The following SEPTIN9 variants were observed in gnomAD, a reference collection of about 807,000 sequenced individuals.
SEPTIN9 encodes the protein septin 9, also known as septin-9.
Under a neutral mutation model 56.6 loss-of-function variants are expected in SEPTIN9, and 13 were observed. That is an observed-to-expected ratio of 0.23 (90% CI 0.15 to 0.37). SEPTIN9 has a LOEUF of 0.37. SEPTIN9 is among the 10% of genes least tolerant of loss of function. The pLI, the probability that SEPTIN9 is intolerant of heterozygous loss-of-function variation, is 1.00. For synonymous variants in SEPTIN9, 332 were observed against 334.1 expected (o/e 0.99, Z 0.07); for missense variants, 650 against 823.1 (o/e 0.79, Z 2.57).
At chr17:77,358,897 C>T (rs1020996079) in intron 2 of SEPTIN9, among the ~76,000 whole-genome samples, 1 of 152,082 alleles carries the variant, frequency 6.6e-6, no homozygotes, top group African/African-American at 2.4e-5. Context: ...GAGCAGCACT[C>T]GGACCCACGT....
chr17:77,457,593 G>A (rs2038270457), intron 3 of SEPTIN9, among the ~76,000 whole-genome samples: 1 of 152,258 alleles, frequency 6.6e-6, no homozygotes, highest in African/African-American at 2.4e-5. Flanking sequence ...GTGACCAAGA[G>A]TGGAGAAAAG....
At chr17:77,413,690 G>T (rs916936792) in intron 3 of SEPTIN9, among the ~76,000 whole-genome samples, 27 of 152,134 alleles carry the variant, frequency 1.8e-4, no homozygotes, top group African/African-American at 6.3e-4. Context: ...GTAGTGACGG[G>T]ACTGGGTCTA....
chr17:77,324,454 C>T lies in SEPTIN9; in HGVS notation c.76+17257C>T, dbSNP rs149280630. 5.5e-3 allele frequency among the ~76,000 whole-genome samples: 840 copies of T among 152,186 alleles called. 12 individuals are homozygous for T. Among genetic ancestry groups the T allele is most frequent in the African/African-American group, 0.018 (735 of 41,510 alleles). ...CGTTTCTGTGCTCCTGGTGAGGTGTCGGGGTCGGGCTTAGCCCCTGCAGGA... is the reference window on the plus strand; with the variant it reads ...CGTTTCTGTGCTCCTGGTGAGGTGTTGGGGTCGGGCTTAGCCCCTGCAGGA... On this transcript the variant is annotated intron_variant, in intron 2 of 11. Coordinates refer to ENST00000427177, the MANE Select transcript of SEPTIN9 (RefSeq NM_001113491.2).
At chr17:77,284,350 C>T (rs751634066) in intron 1 of SEPTIN9, among the ~76,000 whole-genome samples, 4 of 152,228 alleles carry the variant, frequency 2.6e-5, no homozygotes, top group Non-Finnish European at 5.9e-5. Context: ...CCACACAGGG[C>T]AGCTGCAGGA....
At chr17:77,301,115 A>C (rs1045330040) in intron 1 of SEPTIN9, among the ~76,000 whole-genome samples, 9 of 151,454 alleles carry the variant, frequency 5.9e-5, no homozygotes, top group Non-Finnish European at 1.2e-4. Flanking sequence ...CCCCAGGCTC[A>C]AAGTGGGAAG....
chr17:77,306,317 A>G (rs1177371682), intron 1 of SEPTIN9, among the ~76,000 whole-genome samples: 3 of 152,182 alleles, frequency 2.0e-5, no homozygotes, highest in Non-Finnish European at 4.4e-5. Flanking sequence ...GGGTGGCTGT[A>G]TGGCATTGCC....
intron 1 of SEPTIN9, among the ~76,000 whole-genome samples, chr17:77,297,889 G>A (rs1279547513): frequency 6.6e-6 from 1 of 152,234 alleles, no homozygotes; most frequent in Non-Finnish European, 1.5e-5. Flanking sequence ...GTGGTGAGGG[G>A]TCACAGAGAT....
At chr17:77,494,455 A>G (rs2040166892) in intron 10 of SEPTIN9, among the ~76,000 whole-genome samples, 1 of 151,996 alleles carries the variant, frequency 6.6e-6, no homozygotes, top group Non-Finnish European at 1.5e-5. Context: ...AGCAGGAAGC[A>G]CAAGTCTCTT....
chr17:77,365,818 C>T (rs1374176633), intron 2 of SEPTIN9, among the ~76,000 whole-genome samples: 1 of 152,182 alleles, frequency 6.6e-6, no homozygotes, highest in Non-Finnish European at 1.5e-5. Flanking sequence ...CTGGGGACCA[C>T]GTCGCCTCAG....
chr17:77,376,358 C>G (rs1329421846), intron 2 of SEPTIN9: 1 of 985,532 alleles, frequency 1.0e-6, no homozygotes, highest in East Asian at 1.1e-4. Context: ...GCACAGGTCT[C>G]TTTCCCGGGG....
At position 77,475,549 on chromosome 17, in the gene SEPTIN9, G is replaced by A; in HGVS notation, c.722-6595G>A. The A allele has an allele frequency of 6.2e-7, 1 of 1,612,938 alleles. No homozygotes were observed. The highest frequency in any genetic ancestry group is 2.2e-5 in the East Asian group (1 of 44,886). On this transcript the variant is annotated intron_variant, in intron 3 of 11. Transcript: ENST00000427177. This position sits in a 1 kb window ranked among gnomAD's most constrained non-coding sequence, Gnocchi z 4.6. The stretch of plus-strand genomic sequence containing the variant: ...CTCAAGTTTCTGGGAAGGCCTGCAG[G>A]TGGCCGTAGGGCTGCCGCAGGGGTG...
intron 3 of SEPTIN9, among the ~76,000 whole-genome samples, chr17:77,443,625 T>A (rs1243159973): frequency 1.3e-5 from 2 of 151,932 alleles, no homozygotes; most frequent in Non-Finnish European, 2.9e-5. Flanking sequence ...AAACCCTGTC[T>A]CTGCTAAAAA....
intron 2 of SEPTIN9, among the ~76,000 whole-genome samples, chr17:77,368,305 TTTTG>T (rs1344150913): frequency 1.4e-5 from 2 of 146,716 alleles, no homozygotes; most frequent in East Asian, 4.3e-4. Flanking sequence ...AATTTGTCTT[TTTTG>T]TTTTTGTTTT....
At chr17:77,373,419 C>T (rs557220600) in intron 2 of SEPTIN9, 299 of 1,311,466 alleles carry the variant, frequency 2.3e-4, no homozygotes, top group Non-Finnish European at 2.8e-4. Flanking sequence ...GGCGCCCCAG[C>T]CAGCGCGCAG....
At chr17:77,336,248 T>C (rs1190979677) in intron 2 of SEPTIN9, among the ~76,000 whole-genome samples, 1 of 152,164 alleles carries the variant, frequency 6.6e-6, no homozygotes, top group African/African-American at 2.4e-5. Context: ...ATTTAAGAAG[T>C]AGCTTGTTGA....
chr17:77,411,560 C>T (rs889784796), intron 3 of SEPTIN9, among the ~76,000 whole-genome samples: 6 of 152,030 alleles, frequency 3.9e-5, no homozygotes, highest in African/African-American at 1.2e-4. Flanking sequence ...TGCCACCACA[C>T]CTGGCTAATT....
intron 1 of SEPTIN9, among the ~76,000 whole-genome samples, chr17:77,291,488 T>C (rs75766800): frequency 0.061 from 9,204 of 151,768 alleles, 431 homozygotes; most frequent in African/African-American, 0.12. Context: ...CAAAATTAGC[T>C]GGGCATGGTG....
intron 3 of SEPTIN9, among the ~76,000 whole-genome samples, chr17:77,460,307 G>T (rs1241798491): frequency 6.6e-6 from 1 of 152,174 alleles, no homozygotes; most frequent in Non-Finnish European, 1.5e-5. Flanking sequence ...GAGTGGGAGT[G>T]CGGGAAGGCC....
rs997907929 is a variant in SEPTIN9 at position 77,319,586 on chromosome 17, G to A, written c.76+12389G>A. Reference sequence around the variant, plus strand: ...AGGGTTCCTCCTGGGCAGGTGCTCCGGAACCTTTTCTCAGCACGCTGGCCT... The same window carrying A: ...AGGGTTCCTCCTGGGCAGGTGCTCCAGAACCTTTTCTCAGCACGCTGGCCT... On this transcript the variant is annotated intron_variant, in intron 2 of 11. Coordinates refer to ENST00000427177, the MANE Select transcript of SEPTIN9 (RefSeq NM_001113491.2). The surrounding 1 kb of genome is among the most constrained non-coding windows in gnomAD (Gnocchi z 5.3). 3.8e-6 allele frequency: 4 copies of A among 1,059,858 alleles called. No individual in the cohort carries two copies. The highest frequency in any genetic ancestry group is 4.6e-6 in the Non-Finnish European group (4 of 876,028). The allele number at this position is 1,059,858 out of a possible 1,614,324, so 65.7% of individuals were successfully genotyped here.
Sources: gnomAD v4.1 joint callset for allele counts (sites outside exome capture counted in the v4.1 genomes callset) on GRCh38, gnomAD v4.1.1 for gene constraint, Gnocchi (gnomAD v3.1) non-coding constraint, MANE v1.5 for transcripts, NCBI Gene and HGNC (gene_info 2026-07-23, HGNC 2026-07-21) for gene names.